ZFYVE9: variants seen among roughly 807,000 people sequenced by gnomAD.
ZFYVE9 encodes the protein zinc finger FYVE domain-containing protein 9.
In ZFYVE9, 43 loss-of-function variants were observed where a neutral mutation model predicts 126.7. The ratio of observed to expected loss-of-function variants is 0.34; its 90% CI spans 0.27 to 0.44. The LOEUF is 0.44. Among genes scored for constraint, ZFYVE9 ranks in the 20% least tolerant of loss-of-function variants. The probability of loss-of-function intolerance (pLI) is 1.00; values close to 1 mark genes in which losing one functional copy is unlikely to be tolerated. For missense variants in ZFYVE9, 1,476 were observed against 1,697.0 expected, an observed-to-expected ratio of 0.87 and a Z score of 2.29; for synonymous variants, 521 against 597.4, an observed-to-expected ratio of 0.87 and a Z score of 1.87.
At chr1:52,153,644 G>A (rs904277446) in intron 1 of ZFYVE9, among the ~76,000 whole-genome samples, 8 of 152,180 alleles carry the variant, frequency 5.3e-5, no homozygotes, top group African/African-American at 1.9e-4. Context: ...GCCAAGATGG[G>A]CATTCCTCTT....
At chr1:52,247,363 T>C (rs565456883) in intron 4 of ZFYVE9, among the ~76,000 whole-genome samples, 2 of 152,360 alleles carry the variant, frequency 1.3e-5, no homozygotes, top group African/African-American at 4.8e-5. Context: ...ACATTCTAAA[T>C]ACTAGTCACA....
intron 1 of ZFYVE9, among the ~76,000 whole-genome samples, chr1:52,199,112 C>T (rs1287178623): frequency 6.6e-6 from 1 of 151,720 alleles, no homozygotes; most frequent in Admixed American, 6.6e-5. Flanking sequence ...GTCACTCAGG[C>T]TGGAGTGCTG....
chr1:52,281,878 A>G lies in ZFYVE9; in HGVS notation c.3025+62A>G. ...AGATGACAAAAAAATTTTGAATTCA[A>G]ATACAAAATAATAGTCTTAACTTTG... On this transcript the variant is annotated intron_variant, in intron 10 of 18. Coordinates refer to ENST00000287727, the MANE Select transcript of ZFYVE9 (RefSeq NM_004799.4). The G allele has an allele frequency of 2.5e-6, 4 of 1,579,716 alleles. No individual in the cohort carries two copies. The South Asian group carries it at 4.5e-5, about 18-fold the overall frequency.
intron 2 of ZFYVE9, among the ~76,000 whole-genome samples, chr1:52,217,220 T>G (rs1645080084): frequency 1.3e-5 from 2 of 152,218 alleles, no homozygotes; most frequent in Admixed American, 1.3e-4. Flanking sequence ...TGGCTAGGGT[T>G]GGATTGCACA....
At chr1:52,169,958 T>C (rs960073463) in intron 1 of ZFYVE9, among the ~76,000 whole-genome samples, 2 of 152,222 alleles carry the variant, frequency 1.3e-5, no homozygotes, top group Admixed American at 6.5e-5. Context: ...ATTTTCGTTA[T>C]GTGATGTAAC....
chr1:52,301,674 G>A (rs976700017), intron 12 of ZFYVE9, among the ~76,000 whole-genome samples: 4 of 152,136 alleles, frequency 2.6e-5, no homozygotes, highest in Non-Finnish European at 4.4e-5. Context: ...GTGCCATAGT[G>A]TAGTTTTCAT....
chr1:52,245,484 T>TA (rs1387121498), intron 4 of ZFYVE9, among the ~76,000 whole-genome samples: 1 of 152,140 alleles, frequency 6.6e-6, no homozygotes, highest in Non-Finnish European at 1.5e-5. Context: ...AATCCAGACT[T>TA]ACAGACTTTA....
At chr1:52,147,616 T>A (rs188008662) in intron 1 of ZFYVE9, among the ~76,000 whole-genome samples, 2 of 152,362 alleles carry the variant, frequency 1.3e-5, no homozygotes, top group African/African-American at 2.4e-5. Flanking sequence ...CCACATTTTA[T>A]TCATCAGTTA....
intron 2 of ZFYVE9, among the ~76,000 whole-genome samples, chr1:52,224,639 A>G (rs1206665252): frequency 1.3e-5 from 2 of 152,170 alleles, no homozygotes; most frequent in Admixed American, 6.5e-5. Flanking sequence ...TCCTTAGTCC[A>G]AATAAAAACA....
At chr1:52,342,993 A>G (rs1046919092) in intron 17 of ZFYVE9, among the ~76,000 whole-genome samples, 1 of 145,178 alleles carries the variant, frequency 6.9e-6, no homozygotes, top group Non-Finnish European at 1.5e-5. Context: ...TGCAAGCTCC[A>G]CCTCCCAGGT....
chr1:52,144,317 C>A lies in ZFYVE9; in HGVS notation c.-143+1914C>A, dbSNP rs535713605. Among the ~76,000 whole-genome samples the A allele has an allele frequency of 2.2e-4, 32 of 144,000 alleles. 1 individual carries two copies. The highest frequency in any genetic ancestry group is 1.8e-3 in the Admixed American group (26 of 14,510). 94.5% of individuals were successfully genotyped at this position (144,000 alleles called of 152,430 possible). A position where few individuals can be genotyped will look rare whatever the true frequency, so the allele number is the denominator to read the frequency against. On this transcript the variant is annotated intron_variant, in intron 1 of 18. Coordinates refer to ENST00000287727, the MANE Select transcript of ZFYVE9 (RefSeq NM_004799.4). ...TGGGCAACAGAGCGAGACTCCATCT[C>A]AAAAAAAAAAAGTTGAATACAGTTC...
intron 8 of ZFYVE9, among the ~76,000 whole-genome samples, chr1:52,278,070 A>C (rs1298341352): frequency 6.6e-6 from 1 of 152,174 alleles, no homozygotes; most frequent in Non-Finnish European, 1.5e-5. Flanking sequence ...GCTCTCTTCT[A>C]CCCCAACTAT....
intron 1 of ZFYVE9, among the ~76,000 whole-genome samples, chr1:52,177,192 C>T (rs1644643075): frequency 6.6e-6 from 1 of 151,744 alleles, no homozygotes; most frequent in South Asian, 2.1e-4. Context: ...TCTTGTCACC[C>T]AGGCTGGAGT....
intron 1 of ZFYVE9, among the ~76,000 whole-genome samples, chr1:52,145,452 T>C (rs1326468353): frequency 1.3e-5 from 2 of 152,160 alleles, no homozygotes; most frequent in Non-Finnish European, 2.9e-5. Context: ...GGCGTATATA[T>C]GTGTGTTTTA....
chr1:52,283,574 A>T (rs575753708), intron 10 of ZFYVE9, among the ~76,000 whole-genome samples: 18 of 152,368 alleles, frequency 1.2e-4, no homozygotes, highest in African/African-American at 4.1e-4. Flanking sequence ...TGAATCTCAC[A>T]GACATTATGC....
At position 52,142,812 on chromosome 1, in the gene ZFYVE9, C is replaced by T. The variant is rs184359648; in HGVS notation, c.-143+409C>T. On this transcript the variant is annotated intron_variant, in intron 1 of 18. Coordinates refer to ENST00000287727, the MANE Select transcript of ZFYVE9 (RefSeq NM_004799.4). This position sits in a 1 kb window ranked among gnomAD's most constrained non-coding sequence, Gnocchi z 4.5. ...CTTCCACGCGTCCCATACCGAGTCC[C>T]TCAGAATCCCGGTTGTGGCGGGGAA... Among the ~76,000 whole-genome samples the T allele has an allele frequency of 3.5e-3, 531 of 152,332 alleles. 2 individuals carry two copies. Among genetic ancestry groups the T allele is most frequent in the African/African-American group, 0.012 (503 of 41,590 alleles).
chr1:52,341,699 G>A (rs1019874093), intron 17 of ZFYVE9, among the ~76,000 whole-genome samples: 5 of 152,054 alleles, frequency 3.3e-5, no homozygotes, highest in African/African-American at 1.2e-4. Context: ...AGAGACCCAG[G>A]GTTGTTAAAT....
At chr1:52,160,272 C>A in intron 1 of ZFYVE9, 1 of 905,142 alleles carries the variant, frequency 1.1e-6, no homozygotes, top group Admixed American at 1.7e-5. Context: ...TAAATCTTTA[C>A]AACAGTTCGA....
intron 5 of ZFYVE9, chr1:52,264,164 C>T (rs777619007): frequency 6.9e-5 from 13 of 189,466 alleles, no homozygotes; most frequent in Non-Finnish European, 1.3e-4. Context: ...ATAAAATAAC[C>T]AGAGTGAGGT....
Sources: allele counts gnomAD v4.1 joint callset (sites outside exome capture counted in the v4.1 genomes callset), GRCh38; gene constraint gnomAD v4.1.1; non-coding constraint Gnocchi (gnomAD v3.1); transcripts MANE v1.5; gene names NCBI Gene and HGNC (gene_info 2026-07-23, HGNC 2026-07-21).